Variants in NKAIN2 observed in about 807,000 individuals in gnomAD.
NKAIN2 encodes sodium/potassium transporting ATPase interacting 2, also known as sodium/potassium-transporting ATPase subunit beta-1-interacting protein 2.
Under a neutral mutation model 32.6 loss-of-function variants are expected in NKAIN2, and 14 were observed. That is an observed-to-expected ratio of 0.43 (90% CI 0.28 to 0.67). The LOEUF is 0.67. Ranked by LOEUF, NKAIN2 falls within the 30% of genes least tolerant of loss-of-function variation. NKAIN2 has a pLI of 0.17. For synonymous variants in NKAIN2, 80 were observed against 87.2 expected, an observed-to-expected ratio of 0.92 and a Z score of 0.46; for missense variants, 198 against 258.3, an observed-to-expected ratio of 0.77 and a Z score of 1.60.
chr6:124,489,029 A>T (rs1777761166), intron 3 of NKAIN2, among the ~76,000 whole-genome samples: 1 of 151,990 alleles, frequency 6.6e-6, no homozygotes, highest in Non-Finnish European at 1.5e-5. Context: ...CCCACTAGAC[A>T]ATAAATTCTT....
intron 3 of NKAIN2, among the ~76,000 whole-genome samples, chr6:124,529,695 AAGG>A: frequency 6.6e-6 from 1 of 152,264 alleles, no homozygotes; most frequent in East Asian, 1.9e-4. Flanking sequence ...TTTGCAGAAA[AAGG>A]AGGAGGACAG....
At chr6:124,334,308 G>T (rs1797780068) in intron 2 of NKAIN2, among the ~76,000 whole-genome samples, 1 of 152,106 alleles carries the variant, frequency 6.6e-6, no homozygotes, top group African/African-American at 2.4e-5. Flanking sequence ...ACATCCAAAG[G>T]GTTCTCCTTG....
intron 4 of NKAIN2, among the ~76,000 whole-genome samples, chr6:124,734,471 A>C (rs1776843615): frequency 6.6e-6 from 1 of 151,742 alleles, no homozygotes; most frequent in Admixed American, 6.6e-5. Context: ...TTACTACCTA[A>C]ATTCTTTATC....
chr6:123,830,423 A>G (rs938733601), intron 1 of NKAIN2, among the ~76,000 whole-genome samples: 2 of 151,060 alleles, frequency 1.3e-5, no homozygotes, highest in African/African-American at 4.9e-5. Context: ...TCCCTGTCTC[A>G]CTCCCCTTTG....
At chr6:124,150,297 G>T (rs1249644197) in intron 1 of NKAIN2, among the ~76,000 whole-genome samples, 1 of 151,712 alleles carries the variant, frequency 6.6e-6, no homozygotes, top group African/African-American at 2.4e-5. Flanking sequence ...AAAGTTTTTG[G>T]TTAAAAAAAT....
intron 3 of NKAIN2, among the ~76,000 whole-genome samples, chr6:124,507,947 C>A (rs1218935951): frequency 6.6e-6 from 1 of 152,078 alleles, no homozygotes; most frequent in Non-Finnish European, 1.5e-5. Flanking sequence ...CACATACTAA[C>A]AAACAGGTAA....
At chr6:124,509,040 G>C (rs1461660092) in intron 3 of NKAIN2, among the ~76,000 whole-genome samples, 1 of 152,156 alleles carries the variant, frequency 6.6e-6, no homozygotes, top group East Asian at 1.9e-4. Flanking sequence ...CTGCGGCTTA[G>C]GACTTCGATA....
intron 1 of NKAIN2, among the ~76,000 whole-genome samples, chr6:124,215,251 C>T (rs949930693): frequency 6.6e-5 from 10 of 151,886 alleles, no homozygotes; most frequent in African/African-American, 2.4e-4. Context: ...GAAATGTAGC[C>T]AAACTAGGTG....
At chr6:124,506,937 C>G (rs951549) in intron 3 of NKAIN2, among the ~76,000 whole-genome samples, 45,568 of 152,042 alleles carry the variant, frequency 0.3, 7,072 homozygotes, top group Middle Eastern at 0.39. Flanking sequence ...ATCTCAGGCC[C>G]TGTGGCAAGC....
chr6:124,307,122 C>T (rs555112230), intron 2 of NKAIN2, among the ~76,000 whole-genome samples: 3 of 152,086 alleles, frequency 2.0e-5, no homozygotes, highest in African/African-American at 7.2e-5. Flanking sequence ...GTTTTTCTGA[C>T]ATAAATTTAG....
At chr6:124,207,084 C>A (rs1790931655) in intron 1 of NKAIN2, among the ~76,000 whole-genome samples, 1 of 151,098 alleles carries the variant, frequency 6.6e-6, no homozygotes, top group South Asian at 2.1e-4. Context: ...CTGTCAGTGC[C>A]CAGTAAGTGT....
At chr6:123,813,476 G>A (rs1773562105) in intron 1 of NKAIN2, among the ~76,000 whole-genome samples, 1 of 152,110 alleles carries the variant, frequency 6.6e-6, no homozygotes, top group African/African-American at 2.4e-5. Context: ...CCTAGTTATT[G>A]GGAACTGTTA....
chr6:124,033,484 T>C (rs1781487784), intron 1 of NKAIN2, among the ~76,000 whole-genome samples: 1 of 152,108 alleles, frequency 6.6e-6, no homozygotes, highest in South Asian at 2.1e-4. Flanking sequence ...GGACATCAAT[T>C]ATATCTCACA....
chr6:123,833,126 G>C (rs1339618789), intron 1 of NKAIN2, among the ~76,000 whole-genome samples: 2 of 152,068 alleles, frequency 1.3e-5, no homozygotes, highest in Non-Finnish European at 2.9e-5. Context: ...TTTTGTGAAA[G>C]GTGTAAGGTT....
intron 4 of NKAIN2, among the ~76,000 whole-genome samples, chr6:124,676,527 T>A (rs1773363054): frequency 6.6e-6 from 1 of 152,222 alleles, no homozygotes; most frequent in African/African-American, 2.4e-5. Context: ...TAAATATCTA[T>A]AATTGTTATA....
chr6:123,924,970 A>G (rs959765489), intron 1 of NKAIN2, among the ~76,000 whole-genome samples: 5 of 152,206 alleles, frequency 3.3e-5, no homozygotes, highest in Admixed American at 2.6e-4. Flanking sequence ...TCATGATTAT[A>G]TTATTTTGTG....
At chr6:123,818,945 C>G (rs894491420) in intron 1 of NKAIN2, among the ~76,000 whole-genome samples, 2 of 151,984 alleles carry the variant, frequency 1.3e-5, no homozygotes, top group African/African-American at 4.8e-5. Flanking sequence ...GTACTTGGGT[C>G]CACTGAAAGT....
intron 1 of NKAIN2, among the ~76,000 whole-genome samples, chr6:124,193,130 T>C (rs114372296): frequency 4.1e-4 from 62 of 152,332 alleles, no homozygotes; most frequent in African/African-American, 1.5e-3. Flanking sequence ...TCTTCTAGAT[T>C]ATGTTATGGC....
chr6:123,842,350 T>C (rs1774906100), intron 1 of NKAIN2, among the ~76,000 whole-genome samples: 1 of 152,176 alleles, frequency 6.6e-6, no homozygotes, highest in African/African-American at 2.4e-5. Context: ...GATGGGCACC[T>C]TCTTAATATC....
Sources: gnomAD v4.1 joint callset for allele counts (sites outside exome capture counted in the v4.1 genomes callset) on GRCh38, gnomAD v4.1.1 for gene constraint, MANE v1.5 for transcripts, NCBI Gene and HGNC (gene_info 2026-07-23, HGNC 2026-07-21) for gene names.